Variants in CADPS2 observed in about 807,000 individuals in gnomAD.
The protein encoded by CADPS2 is calcium dependent secretion activator 2, also known as calcium-dependent secretion activator 2.
Under a neutral mutation model 172.5 loss-of-function variants are expected in CADPS2, and 93 were observed. That is an observed-to-expected ratio of 0.54 (90% confidence interval 0.46 to 0.64). The LOEUF is 0.64. Among genes scored for constraint, CADPS2 ranks in the 30% least tolerant of loss-of-function variants. CADPS2 has a pLI of 0.00. For missense variants in CADPS2, 1,420 were observed against 1,565.9 expected, an observed-to-expected ratio of 0.91 and a Z score of 1.57; for synonymous variants, 546 against 555.2, an observed-to-expected ratio of 0.98 and a Z score of 0.23.
chr7:122,676,231 C>T (rs2082368686), intron 2 of CADPS2, among the ~76,000 whole-genome samples: 1 of 152,230 alleles, frequency 6.6e-6, no homozygotes, highest in South Asian at 2.1e-4. Flanking sequence ...ACCTACAATA[C>T]ATTAGAGTAG....
At chr7:122,661,246 A>AT (rs1419123636) in intron 3 of CADPS2, among the ~76,000 whole-genome samples, 1 of 152,134 alleles carries the variant, frequency 6.6e-6, no homozygotes, top group Admixed American at 6.5e-5. Context: ...CAAAACTGCT[A>AT]TTTTTTATTG....
Position 122,416,180 on chromosome 7 carries a change from T to G in CADPS2, c.2477-16A>C. The G allele has an allele frequency of 7.0e-7, 1 of 1,433,720 alleles. No individual in the cohort carries two copies. Among genetic ancestry groups the G allele is most frequent in the Non-Finnish European group, 9.5e-7 (1 of 1,052,700 alleles). The allele number at this position is 1,433,720 out of a possible 1,614,324, so 88.8% of individuals were successfully genotyped here. A position where few individuals can be genotyped will look rare whatever the true frequency, so the allele number is the denominator to read the frequency against. On this transcript the variant is annotated splice_polypyrimidine_tract_variant and intron_variant, in intron 17 of 29. Transcript: ENST00000449022. ...TTCATGGTCTCTATATGAAAAAAAA[T>G]CATAATCATGTTACCTTGAAAATAA...
At chr7:122,566,408 C>T (rs2066479369) in intron 7 of CADPS2, among the ~76,000 whole-genome samples, 1 of 152,068 alleles carries the variant, frequency 6.6e-6, no homozygotes, top group South Asian at 2.1e-4. Context: ...AGAAATCCCA[C>T]TTTAAGGTAT....
intron 14 of CADPS2, among the ~76,000 whole-genome samples, chr7:122,463,783 T>C (rs1325561047): frequency 1.3e-5 from 2 of 152,190 alleles, no homozygotes; most frequent in African/African-American, 2.4e-5. Flanking sequence ...GTTGGTGAAT[T>C]CCAAAACTGC....
intron 14 of CADPS2, among the ~76,000 whole-genome samples, chr7:122,457,079 A>C (rs937627976): frequency 6.6e-6 from 1 of 152,234 alleles, no homozygotes. Flanking sequence ...TACTCATCCT[A>C]ATCCATTTTC....
At chr7:122,507,719 A>G (rs1021033664) in intron 9 of CADPS2, among the ~76,000 whole-genome samples, 1 of 152,210 alleles carries the variant, frequency 6.6e-6, no homozygotes, top group Non-Finnish European at 1.5e-5. Context: ...GTTAAGAACG[A>G]GGGAAGTGGA....
At chr7:122,664,961 ATT>A (rs3034542) in intron 2 of CADPS2, among the ~76,000 whole-genome samples, 35,102 of 135,250 alleles carry the variant, frequency 0.26, 4,580 homozygotes, top group Non-Finnish European at 0.3. Context: ...TAGTTTTTGT[ATT>A]TTTTTTTTTT....
chr7:122,709,320 T>A (rs1284151483), intron 2 of CADPS2, among the ~76,000 whole-genome samples: 9 of 152,248 alleles, frequency 5.9e-5, no homozygotes, highest in Non-Finnish European at 7.4e-5. Context: ...TCATCATCAC[T>A]GGCCATCAGA....
At chr7:122,585,882 G>A (rs2069594682) in intron 6 of CADPS2, 1 of 151,908 alleles carries the variant, frequency 6.6e-6, no homozygotes, top group Non-Finnish European at 1.5e-5. Flanking sequence ...TGTATCAGGA[G>A]CCAAAATACA....
At chr7:122,438,670 C>T (rs1450741737) in intron 16 of CADPS2, among the ~76,000 whole-genome samples, 1 of 152,018 alleles carries the variant, frequency 6.6e-6, no homozygotes, top group Non-Finnish European at 1.5e-5. Flanking sequence ...ATGTAATCCT[C>T]CCACCTTAGC....
At chr7:122,761,259 A>C (rs1329688785) in intron 1 of CADPS2, among the ~76,000 whole-genome samples, 1 of 152,162 alleles carries the variant, frequency 6.6e-6, no homozygotes, top group Non-Finnish European at 1.5e-5. Flanking sequence ...GTTTCCATAC[A>C]CAATGTTAAA....
intron 2 of CADPS2, among the ~76,000 whole-genome samples, chr7:122,689,348 C>T (rs192326440): frequency 5.0e-4 from 76 of 152,266 alleles, no homozygotes; most frequent in Admixed American, 3.2e-3. Flanking sequence ...TAAGGCCATC[C>T]GGTTTTGTAG....
At chr7:122,448,090 A>G (rs907991460) in intron 15 of CADPS2, among the ~76,000 whole-genome samples, 7 of 152,162 alleles carry the variant, frequency 4.6e-5, no homozygotes, top group Non-Finnish European at 8.8e-5. Flanking sequence ...CATCAAAATG[A>G]AAGTTGAAGA....
rs138462119 is a variant in CADPS2 at position 122,401,387 on chromosome 7, T to A, written c.2746+6153A>T. 2.6e-5 allele frequency among the ~76,000 whole-genome samples: 4 copies of A among 152,344 alleles called. 1 individual carries two copies. In the East Asian group the frequency reaches 5.8e-4, roughly 22 times the overall value. Reference sequence around the variant, plus strand: ...CCCAATAGAATGGTCATTTGCCACTTGCTAGCATATCCACAGATTAAAAGG... The same window carrying A: ...CCCAATAGAATGGTCATTTGCCACTAGCTAGCATATCCACAGATTAAAAGG... On this transcript the variant is annotated intron_variant, in intron 20 of 29. Transcript: ENST00000449022.
intron 1 of CADPS2, among the ~76,000 whole-genome samples, chr7:122,791,424 A>C (rs1795268046): frequency 6.6e-6 from 1 of 152,046 alleles, no homozygotes; most frequent in African/African-American, 2.4e-5. Flanking sequence ...TCTCAATATA[A>C]ACTAAATCTT....
chr7:122,785,465 T>A (rs1312492931), intron 1 of CADPS2, among the ~76,000 whole-genome samples: 1 of 152,158 alleles, frequency 6.6e-6, no homozygotes, highest in Non-Finnish European at 1.5e-5. Flanking sequence ...CTGGAGGAGG[T>A]ACCCAGGCAT....
chr7:122,385,185 T>C (rs2043471254), intron 24 of CADPS2, among the ~76,000 whole-genome samples: 1 of 152,060 alleles, frequency 6.6e-6, no homozygotes, highest in Admixed American at 6.6e-5. Context: ...TAATTAGATA[T>C]AATAAATCAT....
intron 25 of CADPS2, 51 bp downstream of exon 25, chr7:122,379,317 C>A: frequency 1.8e-6 from 2 of 1,139,664 alleles, no homozygotes; most frequent in Non-Finnish European, 1.3e-6. Context: ...AAAAATTCTC[C>A]ATTGACAATT....
Position 122,618,243 on chromosome 7 carries a change from G to C in CADPS2, c.1105-2944C>G, listed in dbSNP as rs192908151. ...AACAGAGATACCTAAAAGTAATCCTGAACGGCTGTTTTTTTGATACCATAA... is the reference window on the plus strand; with the variant it reads ...AACAGAGATACCTAAAAGTAATCCTCAACGGCTGTTTTTTTGATACCATAA... On this transcript the variant is annotated intron_variant, in intron 5 of 29. Coordinates refer to ENST00000449022, the MANE Select transcript of CADPS2 (RefSeq NM_017954.11). Among the ~76,000 whole-genome samples the C allele has an allele frequency of 7.2e-5, 11 of 152,182 alleles. No homozygotes were observed. The East Asian group carries it at 1.4e-3, about 19-fold the overall frequency.
Sources: gnomAD v4.1 joint callset for allele counts (sites outside exome capture counted in the v4.1 genomes callset) on GRCh38, gnomAD v4.1.1 for gene constraint, MANE v1.5 for transcripts, NCBI Gene and HGNC (gene_info 2026-07-23, HGNC 2026-07-21) for gene names.